PRL: variants seen among roughly 807,000 people sequenced by gnomAD.
The protein encoded by PRL is decidual prolactin.
PRL carries 24 observed loss-of-function variants against 21.3 expected under a neutral mutation model. That is an observed-to-expected ratio of 1.13 (90% CI 0.82 to 1.59). The LOEUF (loss-of-function observed/expected upper bound fraction) is 1.59, where lower values mean the gene tolerates loss of function less well. Among genes scored for constraint, PRL ranks in the 40% most tolerant of loss-of-function variants. PRL has a pLI of 0.00. For missense variants in PRL, 243 were observed against 286.9 expected, an observed-to-expected ratio of 0.85 and a Z score of 1.10; for synonymous variants, 118 against 115.7, an observed-to-expected ratio of 1.02 and a Z score of -0.13.
At chr6:22,296,820 C>T in intron 1 of PRL, 135 bp downstream of exon 1, 1 of 923,702 alleles carries the variant, frequency 1.1e-6, no homozygotes, top group Admixed American at 2.8e-5. Context: ...TGTAAAATTG[C>T]TTTCTAGAGG....
chr6:22,288,951 CGCGTGTGTGT>C lies in PRL; in HGVS notation c.492+1213_492+1222del, dbSNP rs1173284811. Among the ~76,000 whole-genome samples, 1 of 151,214 alleles carries C rather than the reference CGCGTGTGTGT, an allele frequency of 6.6e-6. No homozygotes were observed. The highest frequency in any genetic ancestry group is 1.5e-5 in the Non-Finnish European group (1 of 67,768). On this transcript the variant is annotated intron_variant, in intron 4 of 4. Transcript: ENST00000306482. The surrounding 1 kb of genome is among the most constrained non-coding windows in gnomAD (Gnocchi z 4.5). Reference sequence around the variant, plus strand: ...GTGTGTGTGCATGTGTGTGTGCGTGCGCGTGTGTGTGCGTGTGTGTATTCATTGACTGGCT... The same window carrying C: ...GTGTGTGTGCATGTGTGTGTGCGTGCGCGTGTGTGTATTCATTGACTGGCT...
intron 4 of PRL, among the ~76,000 whole-genome samples, chr6:22,289,640 G>A (rs867612421): frequency 4.6e-5 from 7 of 152,158 alleles, no homozygotes; most frequent in South Asian, 2.1e-4. Flanking sequence ...GGGACCTCCT[G>A]AAATCAATGC....
chr6:22,291,818 G>T lies in PRL; in HGVS notation c.312+720C>A, dbSNP rs376096206. Reference sequence around the variant, plus strand: ...GATGTTTGTTTTAAATCATGTTAAGGCTGTGATTATGGTAGACAACCAAAA... The same window carrying T: ...GATGTTTGTTTTAAATCATGTTAAGTCTGTGATTATGGTAGACAACCAAAA... On this transcript the variant is annotated intron_variant, in intron 3 of 4. Transcript: ENST00000306482. Among the ~76,000 whole-genome samples, 212 of 152,260 alleles carry T rather than the reference G, an allele frequency of 1.4e-3. 1 individual carries two copies. In the South Asian group the frequency reaches 0.018, roughly 13 times the overall value.
upstream of PRL, among the ~76,000 whole-genome samples, chr6:22,297,734 C>A (rs959534696): frequency 2.6e-5 from 4 of 152,078 alleles, no homozygotes; most frequent in African/African-American, 9.7e-5. Context: ...TTATTCTCTC[C>A]AGTTTACAGA....
upstream of PRL, among the ~76,000 whole-genome samples, chr6:22,298,728 T>C (rs1354103064): frequency 2.6e-5 from 4 of 152,208 alleles, no homozygotes; most frequent in East Asian, 7.7e-4. Context: ...GTCTGAATTA[T>C]TAAGAAAGCA....
intron 2 of PRL, 90 bp from the exon 3 acceptor site, chr6:22,292,735 A>T (rs1309369323): frequency 1.9e-6 from 2 of 1,050,802 alleles, no homozygotes; most frequent in Non-Finnish European, 2.7e-6. Context: ...CCTTTGGCAG[A>T]TGTGTAATTT....
Position 22,296,969 on chromosome 6 carries a change from C to A in PRL, c.14G>T (p.Gly5Val), listed in dbSNP as rs1761192723. The A allele has an allele frequency of 6.2e-7, 1 of 1,613,950 alleles. No homozygotes were observed. Among genetic ancestry groups the A allele is most frequent in the Non-Finnish European group, 8.5e-7 (1 of 1,179,988 alleles). Residue 5 changes from glycine (G) to valine (V), a missense_variant, in exon 1 of 5, where the codon GGA becomes GTA. Coordinates refer to ENST00000306482, the MANE Select transcript of PRL (RefSeq NM_000948.6). ...GTCACACATACCTTTCCATGGCGAT[C>A]CTTTGATGTTCATGTTCGTGATCGT... The part of the protein sequence containing the change: MNIK[G>V]SPWKGSLLLL...
chr6:22,297,561 G>C (rs1412400057), upstream of PRL: 1 of 152,116 alleles, frequency 6.6e-6, no homozygotes, highest in Admixed American at 6.5e-5. Context: ...TCATTTTGTT[G>C]CTTTTTACAT....
upstream of PRL, among the ~76,000 whole-genome samples, chr6:22,299,070 A>C (rs1761234624): frequency 1.3e-5 from 2 of 152,208 alleles, no homozygotes; most frequent in South Asian, 4.1e-4. Context: ...TATTATGCAA[A>C]AATCATAGTT....
At chr6:22,287,652 G>T in intron 4 of PRL, 59 bp from the exon 5 acceptor site, 1 of 1,368,388 alleles carries the variant, frequency 7.3e-7, no homozygotes, top group Admixed American at 2.4e-5. Flanking sequence ...GTATGTCCTT[G>T]TTCTTTCTAA....
At chr6:22,290,639 A>G (rs969983988) in intron 3 of PRL, among the ~76,000 whole-genome samples, 2 of 152,196 alleles carry the variant, frequency 1.3e-5, no homozygotes, top group Non-Finnish European at 2.9e-5. Flanking sequence ...AAATTCTACC[A>G]TCTGTCCACT....
In PRL at chr6:22,288,925, CGT is replaced by C. The variant is rs1461908663; in HGVS notation, c.492+1247_492+1248del. ...GTGCGCGCGCGTGTGTGTGCGTGCG[CGT>C]GTGTGTGCATGTGTGTGTGCGTGCG... On this transcript the variant is annotated intron_variant, in intron 4 of 4. Transcript: ENST00000306482. This position sits in a 1 kb window ranked among gnomAD's most constrained non-coding sequence, Gnocchi z 4.5. 4.8e-5 allele frequency among the ~76,000 whole-genome samples: 7 copies of C among 147,314 alleles called. No individual in the cohort carries two copies. The highest frequency in any genetic ancestry group is 3.3e-3 in the Middle Eastern group (1 of 302).
At chr6:22,299,604 G>T (rs563054550), upstream of PRL, among the ~76,000 whole-genome samples, 6 of 152,346 alleles carry the variant, frequency 3.9e-5, no homozygotes, top group Admixed American at 6.5e-5. Context: ...ACTTTGGGAG[G>T]CTGAGGCAGG....
upstream of PRL, among the ~76,000 whole-genome samples, chr6:22,299,604 G>C (rs563054550): frequency 2.0e-5 from 3 of 152,228 alleles, no homozygotes; most frequent in South Asian, 2.1e-4. Context: ...ACTTTGGGAG[G>C]CTGAGGCAGG....
intron 2 of PRL, among the ~76,000 whole-genome samples, chr6:22,293,180 C>T (rs954413989): frequency 3.3e-5 from 5 of 152,060 alleles, no homozygotes; most frequent in Admixed American, 6.6e-5. Flanking sequence ...ATGATAGAAA[C>T]GGAACACAAC....
intron 3 of PRL, among the ~76,000 whole-genome samples, chr6:22,291,708 T>C (rs1273912251): frequency 6.6e-6 from 1 of 152,332 alleles, no homozygotes; most frequent in Admixed American, 6.5e-5. Context: ...TTATTATTAA[T>C]GAACATAGCA....
At chr6:22,292,872 C>A (rs924861386) in intron 2 of PRL, among the ~76,000 whole-genome samples, 1 of 152,124 alleles carries the variant, frequency 6.6e-6, no homozygotes, top group Non-Finnish European at 1.5e-5. Flanking sequence ...CAATGTTTTT[C>A]CTTCTTTGCA....
chr6:22,292,514 G>A (rs753011148), intron 3 of PRL, 24 bp downstream of exon 3: 1 of 1,603,926 alleles, frequency 6.2e-7, no homozygotes, highest in Non-Finnish European at 8.5e-7. Context: ...TTGTTTTGGT[G>A]CAAAGCCTGG....
chr6:22,292,739 G>A, intron 2 of PRL, 94 bp from the exon 3 acceptor site: 2 of 1,008,646 alleles, frequency 2.0e-6, no homozygotes, highest in Middle Eastern at 2.2e-4. Context: ...TGGCAGATGT[G>A]TAATTTTAAA....
Sources: allele counts gnomAD v4.1 joint callset (sites outside exome capture counted in the v4.1 genomes callset), GRCh38; gene constraint gnomAD v4.1.1; non-coding constraint Gnocchi (gnomAD v3.1); transcripts MANE v1.5; gene names NCBI Gene and HGNC (gene_info 2026-07-23, HGNC 2026-07-21).